Variants in PAPPA2 observed in about 807,000 individuals in gnomAD.
PAPPA2 encodes the protein pappalysin-2.
Under a neutral mutation model 176.4 loss-of-function variants are expected in PAPPA2, and 86 were observed. That is an observed-to-expected ratio of 0.49 (90% CI 0.41 to 0.58). The LOEUF is 0.58. PAPPA2 is among the 20% of genes least tolerant of loss of function. The pLI is 0.00. For synonymous variants in PAPPA2, 809 were observed against 852.2 expected, an observed-to-expected ratio of 0.95 and a Z score of 0.88; for missense variants, 2,073 against 2,256.9, an observed-to-expected ratio of 0.92 and a Z score of 1.65.
intron 19 of PAPPA2, 129 bp from the exon 20 acceptor site, chr1:176,793,431 C>A: frequency 1.4e-6 from 1 of 738,382 alleles, no homozygotes; most frequent in Non-Finnish European, 2.3e-6. Flanking sequence ...GCCCTGCCTA[C>A]AACGTCATAA....
chr1:176,703,661 C>G (rs1660758236), intron 9 of PAPPA2, among the ~76,000 whole-genome samples: 1 of 152,204 alleles, frequency 6.6e-6, no homozygotes, highest in Non-Finnish European at 1.5e-5. Context: ...TCCATCCCAT[C>G]ATTTAGCAGT....
chr1:176,565,008 C>T (rs1301096459), intron 2 of PAPPA2, among the ~76,000 whole-genome samples: 1 of 152,114 alleles, frequency 6.6e-6, no homozygotes, highest in Non-Finnish European at 1.5e-5. Context: ...TTTGCCTATT[C>T]TGTGTTATTT....
At chr1:176,486,649 A>G (rs1045784382) in intron 1 of PAPPA2, among the ~76,000 whole-genome samples, 3 of 152,234 alleles carry the variant, frequency 2.0e-5, no homozygotes, top group Admixed American at 2.0e-4. Flanking sequence ...TCACAAGCAC[A>G]GGCCTAGATG....
chr1:176,609,965 T>A (rs376952999), intron 3 of PAPPA2, among the ~76,000 whole-genome samples: 2 of 152,052 alleles, frequency 1.3e-5, no homozygotes, highest in African/African-American at 2.4e-5. Flanking sequence ...AAAAAGGTAT[T>A]TATCTCAGCA....
intron 21 of PAPPA2, among the ~76,000 whole-genome samples, chr1:176,801,245 C>T (rs1182875239): frequency 6.6e-6 from 1 of 152,050 alleles, no homozygotes; most frequent in Non-Finnish European, 1.5e-5. Context: ...TAGCAGCAAT[C>T]TTGGGTAATT....
chr1:176,630,695 T>C (rs772835356), intron 3 of PAPPA2, among the ~76,000 whole-genome samples: 25 of 152,186 alleles, frequency 1.6e-4, no homozygotes, highest in Non-Finnish European at 3.2e-4. Flanking sequence ...GAGCTAACTA[T>C]ACAGGCTCTG....
intron 3 of PAPPA2, among the ~76,000 whole-genome samples, chr1:176,599,538 GTCTA>G (rs1225298179): frequency 1.4e-5 from 2 of 141,346 alleles, no homozygotes; most frequent in Admixed American, 7.0e-5. Context: ...ATTTCTTTGA[GTCTA>G]TCTTTCAATG....
intron 21 of PAPPA2, among the ~76,000 whole-genome samples, chr1:176,823,689 C>T (rs878928526): frequency 1.3e-5 from 2 of 152,104 alleles, no homozygotes; most frequent in East Asian, 1.9e-4. Context: ...AAAGTGAGGC[C>T]GGTAACTCTT....
At chr1:176,619,278 G>T (rs1378475734) in intron 3 of PAPPA2, among the ~76,000 whole-genome samples, 2 of 152,184 alleles carry the variant, frequency 1.3e-5, no homozygotes, top group Non-Finnish European at 2.9e-5. Context: ...CAGTAAATCA[G>T]TAGCCAATCA....
intron 3 of PAPPA2, among the ~76,000 whole-genome samples, chr1:176,628,553 GTGTT>G (rs1187646687): frequency 6.6e-6 from 1 of 152,124 alleles, no homozygotes; most frequent in African/African-American, 2.4e-5. Flanking sequence ...CCTTTTGTGA[GTGTT>G]TGTATGTTTT....
chr1:176,474,625 A>T (rs945298618), intron 1 of PAPPA2, among the ~76,000 whole-genome samples: 1 of 152,212 alleles, frequency 6.6e-6, no homozygotes, highest in Non-Finnish European at 1.5e-5. Flanking sequence ...CAGGGATTAG[A>T]GGGAAATGAG....
At chr1:176,828,332 C>G (rs73050113) in intron 21 of PAPPA2, among the ~76,000 whole-genome samples, 1 of 151,976 alleles carries the variant, frequency 6.6e-6, no homozygotes, top group Non-Finnish European at 1.5e-5. Context: ...CTATATAAAA[C>G]AAAAATAGCA....
At position 176,692,167 on chromosome 1, in the gene PAPPA2, C is replaced by T. The variant is rs200770043; in HGVS notation, c.2473C>T (p.Arg825Ter). 6.2e-6 allele frequency: 10 copies of T among 1,613,870 alleles called. No homozygotes were observed. Among genetic ancestry groups the T allele is most frequent in the South Asian group, 2.2e-5 (2 of 91,058 alleles). Residue 825 changes from arginine to a stop codon, truncating the protein, a stop_gained, in exon 6 of 23, where the codon CGA becomes TGA. Transcript: ENST00000367662. LOFTEE classifies it high-confidence loss of function. ...CAACTTCACTCCTAACCAAGTGGCCCGAATGCATTGCTATTTGGACCTAGT... is the reference window on the plus strand; with the variant it reads ...CAACTTCACTCCTAACCAAGTGGCCTGAATGCATTGCTATTTGGACCTAGT... Reference protein sequence around the residue: ...TDNFTPNQVARMHCYLDLVYQ... With the variant: ...TDNFTPNQVA
At chr1:176,795,600 T>A (rs1422386688) in intron 20 of PAPPA2, among the ~76,000 whole-genome samples, 1 of 152,230 alleles carries the variant, frequency 6.6e-6, no homozygotes, top group African/African-American at 2.4e-5. Context: ...GGCAATTGTT[T>A]GCATGTAAAT....
chr1:176,740,183 C>A lies in PAPPA2; in HGVS notation c.4138C>A (p.His1380Asn), dbSNP rs367830774. ...CATCTCAGAGGACGAGGGGCAGAAT[C>A]ATCAGGGACAGAGGTACAAACTTCC... ...NCISEDEGQN[H>N]QGQSCIHRPC... is the part of the protein sequence containing the mutation. Residue 1380 changes from histidine (H) to asparagine (N), a missense_variant, in exon 14 of 23, where the codon CAT (histidine) becomes AAT (asparagine). Physicochemically the swap from His to Asn is moderately conservative, Grantham distance 68. This residue lies in a region of PAPPA2 where 846 missense variants were observed against 857.9 expected (regional missense o/e 0.99). Coordinates refer to ENST00000367662, the MANE Select transcript of PAPPA2 (RefSeq NM_020318.3). 2 of 1,613,534 alleles carry A rather than the reference C, an allele frequency of 1.2e-6. No homozygotes were observed. The highest frequency in any genetic ancestry group is 8.5e-7 in the Non-Finnish European group (1 of 1,179,744).
In PAPPA2 at chr1:176,498,751, C is replaced by CACAAAAAAAAAAAAAAA. The variant is rs762510082; in HGVS notation, c.-917+35334_-917+35335insCAAAAAAAAAAAAAAAA. 4.3e-4 allele frequency among the ~76,000 whole-genome samples: 48 copies of CACAAAAAAAAAAAAAAA among 112,124 alleles called. 1 individual carries two copies. Among genetic ancestry groups the CACAAAAAAAAAAAAAAA allele is most frequent in the African/African-American group, 8.6e-4 (26 of 30,228 alleles). The allele number at this position is 112,124 out of a possible 152,430, so 73.6% of individuals were successfully genotyped here. On this transcript the variant is annotated intron_variant, in intron 1 of 22. Transcript: ENST00000367662. ...GGCGACAGAGCGAGACTCTTACCTC[C>CACAAAAAAAAAAAAAAA]AAAAAAAAAAAAAAAGAAGAAGAAA... is the stretch of plus-strand genomic sequence containing the variant.
At chr1:176,559,072 C>A (rs1326161813) in intron 2 of PAPPA2, among the ~76,000 whole-genome samples, 2 of 152,154 alleles carry the variant, frequency 1.3e-5, no homozygotes, top group African/African-American at 4.8e-5. Flanking sequence ...CTCCCCCATC[C>A]CCACCCCAGG....
At chr1:176,475,601 A>T (rs1053882171) in intron 1 of PAPPA2, among the ~76,000 whole-genome samples, 1 of 152,214 alleles carries the variant, frequency 6.6e-6, no homozygotes, top group Non-Finnish European at 1.5e-5. Context: ...TGGAAAAAAA[A>T]TGCCAGACAT....
At chr1:176,630,707 T>C (rs1444776191) in intron 3 of PAPPA2, among the ~76,000 whole-genome samples, 1 of 152,208 alleles carries the variant, frequency 6.6e-6, no homozygotes, top group Non-Finnish European at 1.5e-5. Context: ...CAGGCTCTGA[T>C]AGAGGGTCTG....
Sources: allele counts gnomAD v4.1 joint callset (sites outside exome capture counted in the v4.1 genomes callset), GRCh38; gene constraint gnomAD v4.1.1; regional missense constraint gnomAD v4.1.1; transcripts MANE v1.5; gene names NCBI Gene and HGNC (gene_info 2026-07-23, HGNC 2026-07-21).